The following CTNNA3 variants were observed in gnomAD, a reference collection of about 807,000 sequenced individuals.
CTNNA3 encodes the protein catenin alpha-3.
CTNNA3 carries 76 observed loss-of-function variants against 95.7 expected under a neutral mutation model. That is an observed-to-expected ratio of 0.79 (90% confidence interval 0.66 to 0.96). The LOEUF is 0.96. Among genes scored for constraint, CTNNA3 ranks in the 40% least tolerant of loss-of-function variants. The pLI, the probability that CTNNA3 is intolerant of heterozygous loss-of-function variation, is 0.00. For synonymous variants in CTNNA3, 431 were observed against 374.4 expected (o/e 1.15, Z -1.74); for missense variants, 1,191 against 1,089.8 (o/e 1.09, Z -1.31).
At chr10:66,814,563 A>G (rs1023926801) in intron 7 of CTNNA3, among the ~76,000 whole-genome samples, 4 of 152,086 alleles carry the variant, frequency 2.6e-5, no homozygotes, top group African/African-American at 4.8e-5. Flanking sequence ...GGAGTTTGAG[A>G]CTAGCCTGGC....
intron 7 of CTNNA3, among the ~76,000 whole-genome samples, chr10:66,823,368 A>G (rs924493863): frequency 3.9e-5 from 6 of 152,050 alleles, no homozygotes; most frequent in African/African-American, 1.5e-4. Context: ...TTCCTAACTC[A>G]AACAGATGTT....
At chr10:66,892,010 C>G (rs1171712370) in intron 7 of CTNNA3, among the ~76,000 whole-genome samples, 1 of 152,096 alleles carries the variant, frequency 6.6e-6, no homozygotes, top group Admixed American at 6.5e-5. Context: ...CTTATTTATA[C>G]TGATCTATGG....
chr10:66,658,243 TCC>T (rs773177737), intron 9 of CTNNA3, among the ~76,000 whole-genome samples: 1 of 138,810 alleles, frequency 7.2e-6, no homozygotes, highest in African/African-American at 2.5e-5. Flanking sequence ...TCTCTCTCTC[TCC>T]CCCTCCCTCT....
chr10:67,661,234 C>G (rs941785696), intron 1 of CTNNA3, among the ~76,000 whole-genome samples: 7 of 101,192 alleles, frequency 6.9e-5, no homozygotes, highest in African/African-American at 2.6e-4. Flanking sequence ...AGCAATTTTA[C>G]TAAAACAAAA....
chr10:66,542,896 A>G (rs1214947097), intron 10 of CTNNA3, among the ~76,000 whole-genome samples: 1 of 152,134 alleles, frequency 6.6e-6, no homozygotes, highest in Non-Finnish European at 1.5e-5. Context: ...ATAAAAATAT[A>G]TACATTAAAA....
intron 13 of CTNNA3, among the ~76,000 whole-genome samples, chr10:66,247,048 C>CACA (rs1491178888): frequency 9.9e-6 from 1 of 100,808 alleles, no homozygotes; most frequent in African/African-American, 3.8e-5. Context: ...GACTCCATCT[C>CACA]AAAAAAAAAA....
At chr10:66,425,116 A>G (rs2093228213) in intron 11 of CTNNA3, among the ~76,000 whole-genome samples, 1 of 151,846 alleles carries the variant, frequency 6.6e-6, no homozygotes, top group African/African-American at 2.4e-5. Flanking sequence ...TTATTTAAAA[A>G]AATCCTCTAT....
intron 7 of CTNNA3, among the ~76,000 whole-genome samples, chr10:67,100,973 A>G (rs567627703): frequency 6.6e-6 from 1 of 151,846 alleles, no homozygotes; most frequent in East Asian, 1.9e-4. Flanking sequence ...ATATCTATAT[A>G]TATTTGACAT....
chr10:67,504,156 CAA>C (rs1408049131), intron 5 of CTNNA3, among the ~76,000 whole-genome samples: 2 of 92,040 alleles, frequency 2.2e-5, no homozygotes, highest in Non-Finnish European at 2.2e-5. Context: ...GACTCCGTCT[CAA>C]AAAAAAAAAA....
chr10:67,562,558 A>G (rs972271038), intron 3 of CTNNA3, among the ~76,000 whole-genome samples: 2 of 152,216 alleles, frequency 1.3e-5, no homozygotes, highest in African/African-American at 4.8e-5. Context: ...CACTGGAAGC[A>G]TTCCCTTTGA....
At chr10:66,246,290 C>A (rs1052019338) in intron 13 of CTNNA3, among the ~76,000 whole-genome samples, 5 of 152,054 alleles carry the variant, frequency 3.3e-5, no homozygotes, top group Non-Finnish European at 7.4e-5. Context: ...AGTCTGCAGC[C>A]ATGATTTGGG....
chr10:67,659,979 A>G (rs1017660941), intron 1 of CTNNA3, among the ~76,000 whole-genome samples: 1 of 152,242 alleles, frequency 6.6e-6, no homozygotes, highest in African/African-American at 2.4e-5. Context: ...ATCAGAATAA[A>G]TAAAATGAAA....
chr10:67,470,680 T>A (rs1032163489), intron 5 of CTNNA3, among the ~76,000 whole-genome samples: 2 of 152,210 alleles, frequency 1.3e-5, no homozygotes, highest in Admixed American at 1.3e-4. Flanking sequence ...GCAGTGAGAC[T>A]ATAACTATGA....
At chr10:65,944,379 G>C (rs1349081125) in intron 17 of CTNNA3, among the ~76,000 whole-genome samples, 1 of 152,248 alleles carries the variant, frequency 6.6e-6, no homozygotes, top group Admixed American at 6.5e-5. Context: ...AGGTGGAGAA[G>C]CAGATGTATA....
At chr10:67,622,215 C>A (rs1397027450) in intron 2 of CTNNA3, among the ~76,000 whole-genome samples, 2 of 152,162 alleles carry the variant, frequency 1.3e-5, no homozygotes, top group East Asian at 3.9e-4. Flanking sequence ...TTGCTTCTAT[C>A]AATCTATTAA....
At chr10:67,123,397 T>C (rs10997521) in intron 7 of CTNNA3, among the ~76,000 whole-genome samples, 54,991 of 151,986 alleles carry the variant, frequency 0.36, 10,336 homozygotes, top group Middle Eastern at 0.59. Flanking sequence ...TGTGCATAGC[T>C]ACAAAAATAG....
At chr10:67,521,064 A>G (rs1839968686) in intron 5 of CTNNA3, among the ~76,000 whole-genome samples, 1 of 152,184 alleles carries the variant, frequency 6.6e-6, no homozygotes. Context: ...TAAACATTTA[A>G]CTGGCTGTTC....
intron 15 of CTNNA3, among the ~76,000 whole-genome samples, chr10:66,037,221 T>C (rs1433604515): frequency 6.6e-6 from 1 of 152,146 alleles, no homozygotes; most frequent in African/African-American, 2.4e-5. Context: ...TAAGAAAAAT[T>C]CTAGATTTTT....
chr10:66,018,285 CAGG>C (rs2079134842), intron 15 of CTNNA3, among the ~76,000 whole-genome samples: 1 of 151,354 alleles, frequency 6.6e-6, no homozygotes, highest in East Asian at 1.9e-4. Flanking sequence ...AATTATGAAT[CAGG>C]AGAACTGTTT....
Sources: allele counts gnomAD v4.1 joint callset (sites outside exome capture counted in the v4.1 genomes callset), GRCh38; gene constraint gnomAD v4.1.1; transcripts MANE v1.5; gene names NCBI Gene and HGNC (gene_info 2026-07-23, HGNC 2026-07-21).